Variants in CRPPA observed in about 807,000 individuals in gnomAD.
CRPPA encodes D-ribitol-5-phosphate cytidylyltransferase.
In CRPPA, 43 loss-of-function variants were observed where a neutral mutation model predicts 52.0. The observed-to-expected ratio is 0.83, with a 90% CI of 0.65 to 1.07. The LOEUF (loss-of-function observed/expected upper bound fraction) is 1.07, where lower values mean the gene tolerates loss of function less well. Among genes scored for constraint, CRPPA ranks in the 50% least tolerant of loss-of-function variants. The pLI is 0.00. For missense variants in CRPPA, 629 were observed against 551.7 expected (o/e 1.14, Z -1.40); for synonymous variants, 250 against 203.5 (o/e 1.23, Z -1.94).
intron 2 of CRPPA, among the ~76,000 whole-genome samples, chr7:16,403,684 A>G (rs1787885168): frequency 1.3e-5 from 2 of 152,212 alleles, no homozygotes; most frequent in South Asian, 4.1e-4. Context: ...AAGTCAGTAC[A>G]GTGAGAGAAC....
chr7:16,384,861 T>C (rs1787212695), intron 2 of CRPPA, among the ~76,000 whole-genome samples: 1 of 152,192 alleles, frequency 6.6e-6, no homozygotes, highest in African/African-American at 2.4e-5. Flanking sequence ...GCCCCACCCA[T>C]ATATCAAACT....
intron 9 of CRPPA, among the ~76,000 whole-genome samples, chr7:16,214,576 GCAA>G (rs1261407961): frequency 1.3e-5 from 2 of 151,992 alleles, no homozygotes; most frequent in African/African-American, 4.8e-5. Context: ...TCTGCTCACT[GCAA>G]CCTCCGCCTC....
At chr7:16,373,538 A>G (rs1260996254) in intron 3 of CRPPA, among the ~76,000 whole-genome samples, 1 of 152,206 alleles carries the variant, frequency 6.6e-6, no homozygotes, top group African/African-American at 2.4e-5. Context: ...CATTTCACAA[A>G]TGACTTCAAG....
intron 2 of CRPPA, among the ~76,000 whole-genome samples, chr7:16,376,903 G>A (rs1786904276): frequency 6.6e-6 from 1 of 152,060 alleles, no homozygotes; most frequent in Admixed American, 6.6e-5. Flanking sequence ...CTTTTTTGGA[G>A]TCCCATTGTA....
At chr7:16,164,806 A>G (rs1031852299) in intron 9 of CRPPA, among the ~76,000 whole-genome samples, 1 of 152,128 alleles carries the variant, frequency 6.6e-6, no homozygotes, top group South Asian at 2.1e-4. Flanking sequence ...TCCACTACAG[A>G]CACTGTTTGC....
chr7:16,108,087 C>A (rs1164300081), intron 9 of CRPPA, among the ~76,000 whole-genome samples: 4 of 151,838 alleles, frequency 2.6e-5, no homozygotes, highest in Non-Finnish European at 5.9e-5. Context: ...ACAGTATCTA[C>A]AAAATAACAG....
At chr7:16,179,091 T>C (rs1400713833) in intron 9 of CRPPA, among the ~76,000 whole-genome samples, 1 of 152,044 alleles carries the variant, frequency 6.6e-6, no homozygotes, top group Non-Finnish European at 1.5e-5. Flanking sequence ...AGAAAAGTAA[T>C]ACAGAATAAT....
chr7:16,289,733 G>C (rs767046532), intron 5 of CRPPA, among the ~76,000 whole-genome samples: 5 of 152,076 alleles, frequency 3.3e-5, no homozygotes, highest in Admixed American at 6.6e-5. Context: ...ATACTGAATG[G>C]AGAAAAGCTG....
intron 8 of CRPPA, among the ~76,000 whole-genome samples, chr7:16,218,308 G>C (rs1782389747): frequency 8.1e-6 from 1 of 123,658 alleles, no homozygotes; most frequent in South Asian, 3.1e-4. Context: ...ACATGGAAAG[G>C]AACAACCGGT....
intron 3 of CRPPA, among the ~76,000 whole-genome samples, chr7:16,353,721 G>T (rs10238993): frequency 0.3 from 44,975 of 151,702 alleles, 6,870 homozygotes; most frequent in Admixed American, 0.34. Flanking sequence ...GTGGTGACAC[G>T]TGCCTGTAAT....
At chr7:16,356,126 T>C (rs886226704) in intron 3 of CRPPA, among the ~76,000 whole-genome samples, 2 of 152,110 alleles carry the variant, frequency 1.3e-5, no homozygotes, top group African/African-American at 4.8e-5. Context: ...AAAAAATGTA[T>C]GTTTATAAAC....
At chr7:16,213,742 T>C (rs1458318758) in intron 9 of CRPPA, among the ~76,000 whole-genome samples, 2 of 141,150 alleles carry the variant, frequency 1.4e-5, no homozygotes, top group Non-Finnish European at 3.1e-5. Context: ...AGAGAAAAAC[T>C]TCGGCTCAAA....
chr7:16,337,603 G>GT (rs1439640777), intron 3 of CRPPA, among the ~76,000 whole-genome samples: 1 of 151,788 alleles, frequency 6.6e-6, no homozygotes, highest in African/African-American at 2.4e-5. Context: ...ATTGACAACT[G>GT]TTTTTTTGCA....
intron 9 of CRPPA, among the ~76,000 whole-genome samples, chr7:16,167,215 C>T (rs118145659): frequency 0.042 from 6,348 of 152,172 alleles, 175 homozygotes; most frequent in Non-Finnish European, 0.061. Flanking sequence ...CGTGAGCCAC[C>T]GCGCCCAGCC....
intron 3 of CRPPA, among the ~76,000 whole-genome samples, chr7:16,315,477 T>C (rs1785125519): frequency 6.6e-6 from 1 of 152,160 alleles, no homozygotes; most frequent in African/African-American, 2.4e-5. Flanking sequence ...TTCTCAGTTC[T>C]CTGCCTCTCC....
At chr7:16,335,573 G>A (rs1331605368) in intron 3 of CRPPA, among the ~76,000 whole-genome samples, 1 of 152,124 alleles carries the variant, frequency 6.6e-6, no homozygotes, top group African/African-American at 2.4e-5. Flanking sequence ...GAGGACATCT[G>A]AAGTTGAGCA....
At chr7:16,374,480 T>G (rs1310549479) in intron 3 of CRPPA, among the ~76,000 whole-genome samples, 3 of 152,066 alleles carry the variant, frequency 2.0e-5, no homozygotes, top group African/African-American at 4.8e-5. Context: ...CCTAATAAAT[T>G]CTCTTTCATA....
intron 1 of CRPPA, among the ~76,000 whole-genome samples, chr7:16,412,588 T>C (rs1205770700): frequency 1.4e-4 from 22 of 152,330 alleles, no homozygotes; most frequent in Non-Finnish European, 4.4e-5. Flanking sequence ...TTCACATTCT[T>C]TTCTAGTTAT....
intron 2 of CRPPA, among the ~76,000 whole-genome samples, chr7:16,404,395 A>G (rs1269024444): frequency 6.6e-6 from 1 of 152,166 alleles, no homozygotes; most frequent in Non-Finnish European, 1.5e-5. Context: ...GTATTTTAAT[A>G]TGTTCTATTA....
Sources: gnomAD v4.1 joint callset for allele counts (sites outside exome capture counted in the v4.1 genomes callset) on GRCh38, gnomAD v4.1.1 for gene constraint, MANE v1.5 for transcripts, NCBI Gene and HGNC (gene_info 2026-07-23, HGNC 2026-07-21) for gene names.